The following ANKRD36B variants were observed in gnomAD, a reference collection of about 807,000 sequenced individuals.
The protein encoded by ANKRD36B is ankyrin repeat domain 36B, also known as ankyrin repeat domain-containing protein 36B.
A neutral mutation model predicts 135.7 loss-of-function variants in ANKRD36B; 37 were observed. The ratio of observed to expected loss-of-function variants is 0.27; its 90% confidence interval spans 0.21 to 0.36. The LOEUF is 0.36. ANKRD36B is among the 10% of genes least tolerant of loss of function. The pLI is 1.00. For missense variants in ANKRD36B, 549 were observed against 1,037.1 expected (o/e 0.53, Z 6.46); for synonymous variants, 179 against 348.1 (o/e 0.51, Z 5.41).
chr2:97,569,700 A>T (rs2081700720), intron 6 of ANKRD36B, among the ~76,000 whole-genome samples: 1 of 152,184 alleles, frequency 6.6e-6, no homozygotes, highest in Non-Finnish European at 1.5e-5. Context: ...AATATTGCTG[A>T]GAATATTAAA....
chr2:97,559,686 C>T (rs886540187), intron 8 of ANKRD36B, among the ~76,000 whole-genome samples: 6 of 151,804 alleles, frequency 4.0e-5, no homozygotes, highest in African/African-American at 1.4e-4. Context: ...ATATCAATTA[C>T]CAATGTTAAC....
At chr2:97,559,653 A>G (rs2080847395) in intron 8 of ANKRD36B, among the ~76,000 whole-genome samples, 1 of 151,962 alleles carries the variant, frequency 6.6e-6, no homozygotes, top group South Asian at 2.1e-4. Context: ...GCAACAAACG[A>G]TAATGTATTA....
chr2:97,564,123 G>C (rs1227806312), intron 6 of ANKRD36B, among the ~76,000 whole-genome samples: 1 of 151,684 alleles, frequency 6.6e-6, no homozygotes, highest in Non-Finnish European at 1.5e-5. Context: ...TATGTTGTAA[G>C]AGGTTTTTAA....
intron 10 of ANKRD36B, 68 bp downstream of exon 10, chr2:97,558,731 T>G (rs1181732252): frequency 6.2e-7 from 1 of 1,600,950 alleles, no homozygotes; most frequent in African/African-American, 1.3e-5. Flanking sequence ...CCCGCTGATT[T>G]ATTCGGGGAA....
In ANKRD36B at chr2:97,529,341, T is replaced by A. The variant is rs1229322764; in HGVS notation, c.2265+2970A>T. Among the ~76,000 whole-genome samples, 4 of 95,348 alleles carry A rather than the reference T, an allele frequency of 4.2e-5. 2 individuals are homozygous for A. The highest frequency in any genetic ancestry group is 6.3e-5 in the African/African-American group (2 of 31,748). 62.6% of individuals were successfully genotyped at this position (95,348 alleles called of 152,430 possible). On this transcript the variant is annotated intron_variant, in intron 35 of 43. Transcript: ENST00000359901. Reference sequence around the variant, plus strand: ...CAATAGATGCAGAAAAGGCCTTTGATAAAATTCAACAACCCTTCATGCTAA... The same window carrying A: ...CAATAGATGCAGAAAAGGCCTTTGAAAAAATTCAACAACCCTTCATGCTAA...
chr2:97,585,546 G>A, intron 1 of ANKRD36B, 148 bp from the exon 2 acceptor site: 1 of 1,308,356 alleles, frequency 7.6e-7, no homozygotes, highest in South Asian at 1.6e-5. Context: ...TAATGAAAGA[G>A]CAGGCTATTT....
intron 14 of ANKRD36B, among the ~76,000 whole-genome samples, chr2:97,554,023 C>T (rs1461706863): frequency 6.6e-6 from 1 of 151,970 alleles, no homozygotes. Context: ...GACATTTCTT[C>T]ATCCACTCAT....
intron 6 of ANKRD36B, among the ~76,000 whole-genome samples, chr2:97,574,212 T>A (rs1417050256): frequency 6.6e-6 from 1 of 151,754 alleles, no homozygotes; most frequent in African/African-American, 2.4e-5. Flanking sequence ...AACAACCCCA[T>A]CAAAAAGTGG....
Position 97,560,651 on chromosome 2 carries a change from T to C in ANKRD36B, c.865+14A>G. ...TTGATTGAACATGACATTAGATGTGTTTTGCAAAATTACCTGTCCCAGATA... is the reference window on the plus strand; with the variant it reads ...TTGATTGAACATGACATTAGATGTGCTTTGCAAAATTACCTGTCCCAGATA... On this transcript the variant is annotated intron_variant, in intron 8 of 43. Transcript: ENST00000359901. 6.2e-7 allele frequency: 1 copy of C among 1,601,278 alleles called. No homozygotes were observed.
chr2:97,494,176 A>G (rs2077276352), intron 43 of ANKRD36B, among the ~76,000 whole-genome samples: 1 of 102,362 alleles, frequency 9.8e-6, no homozygotes, highest in South Asian at 2.2e-4. Flanking sequence ...TAACACAGAA[A>G]AGAGCAACAC....
At chr2:97,579,422 T>TA (rs2082436842) in intron 4 of ANKRD36B, among the ~76,000 whole-genome samples, 1 of 145,684 alleles carries the variant, frequency 6.9e-6, no homozygotes, top group South Asian at 2.1e-4. Context: ...AAGAGCTATC[T>TA]GCAGGCTTAA....
intron 21 of ANKRD36B, 29 bp downstream of exon 21, chr2:97,547,674 G>A: frequency 6.4e-7 from 1 of 1,555,722 alleles, no homozygotes; most frequent in African/African-American, 1.4e-5. Flanking sequence ...ACATTTACTA[G>A]TTCACAATAT....
intron 43 of ANKRD36B, among the ~76,000 whole-genome samples, chr2:97,494,379 C>T (rs2104178533): frequency 9.5e-6 from 1 of 105,388 alleles, no homozygotes; most frequent in African/African-American, 2.7e-5. Flanking sequence ...TTACTTGTGG[C>T]TAAAGGTGAA....
At chr2:97,493,889 G>A (rs1416772725) in intron 43 of ANKRD36B, among the ~76,000 whole-genome samples, 1 of 93,536 alleles carries the variant, frequency 1.1e-5, no homozygotes, top group Non-Finnish European at 3.1e-5. Context: ...TGTGGAGCAA[G>A]AGGAAACTTC....
intron 6 of ANKRD36B, among the ~76,000 whole-genome samples, chr2:97,563,246 T>C (rs1188248082): frequency 2.0e-5 from 3 of 151,920 alleles, no homozygotes; most frequent in Non-Finnish European, 4.4e-5. Context: ...CTTGAAAACA[T>C]GTCAGTAATT....
In ANKRD36B at chr2:97,540,049, C is replaced by T. The variant is rs765878296; in HGVS notation, c.1972G>A (p.Glu658Lys). The T allele has an allele frequency of 4.3e-6, 4 of 934,316 alleles. No homozygotes were observed. In the Admixed American group the frequency reaches 9.3e-5, roughly 22 times the overall value. 57.9% of individuals were successfully genotyped at this position (934,316 alleles called of 1,614,324 possible). A position where few individuals can be genotyped will look rare whatever the true frequency, so the allele number is the denominator to read the frequency against. The change falls in exon 30 of 44, where the codon GAA (glutamate) becomes AAA (lysine). Residue 658 changes from glutamate to lysine, a missense_variant. Coordinates refer to ENST00000359901, the MANE Select transcript of ANKRD36B (RefSeq NM_001393939.1). Reference sequence around the variant, plus strand: ...GTAAAATTACCTGTCCCAGATTTTTCTCCATCCTTTATTTCTCTGGCTATA... The same window carrying T: ...GTAAAATTACCTGTCCCAGATTTTTTTCCATCCTTTATTTCTCTGGCTATA... ...SNIAREIKDG[E>K]KSGTVSPQKQ...
rs2078239739 is a variant in ANKRD36B, at chr2:97,526,804, G to C, written c.2266-3337C>G. Reference sequence around the variant, plus strand: ...CGATCAACTGGAAGAAAGGGTATCAGTGATGGAACATGAAATGAATGAAAT... The same window carrying C: ...CGATCAACTGGAAGAAAGGGTATCACTGATGGAACATGAAATGAATGAAAT... On this transcript the variant is annotated intron_variant, in intron 35 of 43. Transcript: ENST00000359901. Among the ~76,000 whole-genome samples, 2 of 96,920 alleles carry C rather than the reference G, an allele frequency of 2.1e-5. 1 individual carries two copies. Among genetic ancestry groups the C allele is most frequent in the South Asian group, 4.7e-4 (2 of 4,246 alleles). 63.6% of individuals were successfully genotyped at this position (96,920 alleles called of 152,430 possible).
chr2:97,568,167 T>C (rs2081583643), intron 6 of ANKRD36B, among the ~76,000 whole-genome samples: 2 of 151,994 alleles, frequency 1.3e-5, no homozygotes, highest in Non-Finnish European at 2.9e-5. Context: ...TTAAAAATTA[T>C]TGTACACATA....
At chr2:97,582,120 T>G (rs1432873494) in intron 3 of ANKRD36B, among the ~76,000 whole-genome samples, 2 of 151,758 alleles carry the variant, frequency 1.3e-5, no homozygotes, top group African/African-American at 4.8e-5. Context: ...TTACTTGCAT[T>G]TTTAGGAGGC....
Sources: allele counts gnomAD v4.1 joint callset (sites outside exome capture counted in the v4.1 genomes callset), GRCh38; gene constraint gnomAD v4.1.1; transcripts MANE v1.5; gene names NCBI Gene and HGNC (gene_info 2026-07-23, HGNC 2026-07-21).